The following UTP18 variants were observed in gnomAD, a reference collection of about 807,000 sequenced individuals.
UTP18 encodes the protein U3 small nucleolar RNA-associated protein 18 homolog.
A neutral mutation model predicts 61.1 loss-of-function variants in UTP18; 36 were observed. The observed-to-expected ratio is 0.59, with a 90% confidence interval of 0.45 to 0.78. UTP18 has a LOEUF of 0.78. Ranked by LOEUF, UTP18 falls within the 30% of genes least tolerant of loss-of-function variation. UTP18 has a pLI of 0.00. For missense variants in UTP18, 753 were observed against 693.9 expected (o/e 1.09, Z -0.96); for synonymous variants, 282 against 251.1 (o/e 1.12, Z -1.16).
chr17:51,265,930 T>G (rs1339551428), intron 2 of UTP18, among the ~76,000 whole-genome samples: 1 of 152,220 alleles, frequency 6.6e-6, no homozygotes, highest in African/African-American at 2.4e-5. Context: ...TTTCATAAAC[T>G]GTGTGCAGAT....
chr17:51,284,783 G>A (rs1379589511), intron 9 of UTP18, among the ~76,000 whole-genome samples: 3 of 151,956 alleles, frequency 2.0e-5, no homozygotes, highest in East Asian at 1.9e-4. Flanking sequence ...TTCTTAGGCC[G>A]GGCATGGTGG....
In UTP18 at chr17:51,266,287, G is replaced by C; in HGVS notation, c.554+7G>C. 6.4e-7 allele frequency: 1 copy of C among 1,573,526 alleles called. No homozygotes were observed. Among genetic ancestry groups the C allele is most frequent in the Non-Finnish European group, 8.6e-7 (1 of 1,162,812 alleles). On this transcript the variant is annotated splice_region_variant and intron_variant, in intron 3 of 13. Transcript: ENST00000225298. Reference sequence around the variant, plus strand: ...AAAAGAGACTTAAAGAAGAGTAAGTGTCTTTTTTCATATGATTTACCAAGA... The same window carrying C: ...AAAAGAGACTTAAAGAAGAGTAAGTCTCTTTTTTCATATGATTTACCAAGA...
At chr17:51,273,219 A>C in intron 4 of UTP18, 143 bp from the exon 5 acceptor site, 1 of 434,004 alleles carries the variant, frequency 2.3e-6, no homozygotes. Flanking sequence ...TGCTTTTGCC[A>C]GTTGCAGCTT....
At chr17:51,280,909 A>G (rs1904893263) in intron 9 of UTP18, among the ~76,000 whole-genome samples, 1 of 151,520 alleles carries the variant, frequency 6.6e-6, no homozygotes, top group African/African-American at 2.4e-5. Context: ...CAGGCGCGGT[A>G]GCTTACGCCT....
intron 4 of UTP18, 58 bp downstream of exon 4, chr17:51,268,962 T>C: frequency 2.0e-6 from 3 of 1,536,402 alleles, no homozygotes; most frequent in Non-Finnish European, 2.7e-6. Flanking sequence ...TGTTCGTTAT[T>C]ATTTGAGCTT....
At chr17:51,262,701 A>G (rs2055519624) in intron 1 of UTP18, among the ~76,000 whole-genome samples, 1 of 152,046 alleles carries the variant, frequency 6.6e-6, no homozygotes, top group South Asian at 2.1e-4. Context: ...ACAGGTGCAC[A>G]CCACACACCC....
intron 10 of UTP18, 129 bp downstream of exon 10, chr17:51,285,497 A>T: frequency 8.7e-7 from 1 of 1,144,688 alleles, no homozygotes. Flanking sequence ...AAATTGGTCA[A>T]CCCAGCTGAG....
chr17:51,292,230 G>A (rs755343904), intron 11 of UTP18, among the ~76,000 whole-genome samples: 1 of 152,144 alleles, frequency 6.6e-6, no homozygotes, highest in Non-Finnish European at 1.5e-5. Flanking sequence ...ATTTCTCGAG[G>A]AACCTGTATA....
chr17:51,273,275 T>C, intron 4 of UTP18, 87 bp from the exon 5 acceptor site: 1 of 955,116 alleles, frequency 1.0e-6, no homozygotes, highest in Non-Finnish European at 1.5e-6. Context: ...GAGTTGATGT[T>C]GAAAATATAT....
intron 11 of UTP18, among the ~76,000 whole-genome samples, chr17:51,288,990 C>T (rs1281921453): frequency 6.6e-6 from 1 of 152,116 alleles, no homozygotes; most frequent in Non-Finnish European, 1.5e-5. Context: ...ATAGGGTACC[C>T]TCTGCCTAGC....
intron 9 of UTP18, among the ~76,000 whole-genome samples, chr17:51,284,859 G>T (rs763577694): frequency 5.3e-5 from 8 of 152,026 alleles, no homozygotes; most frequent in Non-Finnish European, 7.4e-5. Context: ...TCAAGAGTTC[G>T]AGACCAGCCT....
intron 4 of UTP18, among the ~76,000 whole-genome samples, chr17:51,269,717 C>T (rs986510400): frequency 6.6e-6 from 1 of 152,112 alleles, no homozygotes; most frequent in Non-Finnish European, 1.5e-5. Flanking sequence ...TAGAAATTGA[C>T]CGTCTTTGTT....
At chr17:51,273,499 A>T in intron 5 of UTP18, 49 bp downstream of exon 5, 1 of 1,412,118 alleles carries the variant, frequency 7.1e-7, no homozygotes. Context: ...TTACCTCTGC[A>T]GTTTAATTTG....
intron 2 of UTP18, among the ~76,000 whole-genome samples, chr17:51,265,562 CT>C (rs10695281): frequency 4.4e-4 from 38 of 85,556 alleles, no homozygotes; most frequent in African/African-American, 1.3e-3. Flanking sequence ...CGTGCCCGGC[CT>C]TTTTTTTTTT....
intron 11 of UTP18, among the ~76,000 whole-genome samples, chr17:51,291,651 C>G (rs758740907): frequency 2.4e-4 from 37 of 151,864 alleles, no homozygotes; most frequent in South Asian, 6.2e-4. Context: ...AGAAGAATTG[C>G]TTGCCCCCAA....
rs1597855536 is a variant in UTP18 at position 51,293,923 on chromosome 17, A to G, written c.1524A>G (p.Thr508=). ...TGCAGGTTCATCTTCCTTCCTGTAC[A>G]GTATTTTCAAACTTCCCAGTCATTA... ...AVRLVHLPSC[T]VFSNFPVIKN... Residue 508 remains threonine (T), a synonymous_variant, in exon 12 of 14, where the codon ACA becomes ACG. Coordinates refer to ENST00000225298, the MANE Select transcript of UTP18 (RefSeq NM_016001.3). 2.5e-6 allele frequency: 4 copies of G among 1,599,896 alleles called. No individual in the cohort carries two copies. Among genetic ancestry groups the G allele is most frequent in the East Asian group, 2.3e-5 (1 of 44,206 alleles).
intron 5 of UTP18, among the ~76,000 whole-genome samples, chr17:51,275,332 A>C (rs1904681031): frequency 6.6e-6 from 1 of 152,242 alleles, no homozygotes. Flanking sequence ...ATAACAAAAT[A>C]GTCCAGGTGA....
chr17:51,293,327 C>T (rs1905280345), intron 11 of UTP18, among the ~76,000 whole-genome samples: 2 of 152,042 alleles, frequency 1.3e-5, no homozygotes, highest in African/African-American at 4.8e-5. Flanking sequence ...TACACATGGA[C>T]ACAGTAGAAT....
At chr17:51,271,105 A>G (rs1283825281) in intron 4 of UTP18, among the ~76,000 whole-genome samples, 1 of 152,114 alleles carries the variant, frequency 6.6e-6, no homozygotes, top group Non-Finnish European at 1.5e-5. Context: ...GAATTGTTGT[A>G]TTGTGTTGCT....
Sources: allele counts gnomAD v4.1 joint callset (sites outside exome capture counted in the v4.1 genomes callset), GRCh38; gene constraint gnomAD v4.1.1; transcripts MANE v1.5; gene names NCBI Gene and HGNC (gene_info 2026-07-23, HGNC 2026-07-21).